Variants in CDH8 observed in about 807,000 individuals in gnomAD.
CDH8 encodes the protein cadherin-8.
Under a neutral mutation model 68.1 loss-of-function variants are expected in CDH8, and 17 were observed. The observed-to-expected ratio is 0.25, with a 90% CI of 0.17 to 0.37. The LOEUF (loss-of-function observed/expected upper bound fraction) is 0.37. Ranked by LOEUF, CDH8 falls within the 10% of genes least tolerant of loss-of-function variation. CDH8 has a pLI of 1.00. For missense variants in CDH8, 763 were observed against 999.3 expected, an observed-to-expected ratio of 0.76 and a Z score of 3.19; for synonymous variants, 372 against 365.1, an observed-to-expected ratio of 1.02 and a Z score of -0.21.
chr16:62,016,745 A>G (rs1901950680), intron 2 of CDH8, among the ~76,000 whole-genome samples: 1 of 152,182 alleles, frequency 6.6e-6, no homozygotes, highest in Admixed American at 6.5e-5. Flanking sequence ...TTTGACTGGT[A>G]TTTGCTTTTC....
intron 1 of CDH8, among the ~76,000 whole-genome samples, chr16:62,025,573 T>G (rs1277868271): frequency 2.0e-5 from 3 of 152,158 alleles, no homozygotes; most frequent in Non-Finnish European, 4.4e-5. Context: ...TTCATCCACA[T>G]AGGTCATTCC....
At chr16:61,892,176 A>G (rs1332226602) in intron 3 of CDH8, among the ~76,000 whole-genome samples, 3 of 152,234 alleles carry the variant, frequency 2.0e-5, no homozygotes, top group Non-Finnish European at 4.4e-5. Flanking sequence ...TGTAGTCATC[A>G]TAATTTACAA....
chr16:61,985,006 T>A (rs535043180), intron 2 of CDH8, among the ~76,000 whole-genome samples: 1 of 152,192 alleles, frequency 6.6e-6, no homozygotes, highest in Non-Finnish European at 1.5e-5. Flanking sequence ...AGGTATAATA[T>A]CTGCCTGGTT....
intron 7 of CDH8, among the ~76,000 whole-genome samples, chr16:61,791,387 C>T (rs1022294665): frequency 1.3e-5 from 2 of 151,936 alleles, no homozygotes; most frequent in African/African-American, 4.8e-5. Flanking sequence ...CTGATTCAAC[C>T]AATGATATTC....
At position 61,653,168 on chromosome 16, in the gene CDH8, G is replaced by T. The variant is rs1025347793; in HGVS notation, c.*440C>A. ...TATCATTTGTGGCGGGATCCTTATT[G>T]GTGAAGGGGAAAAAACCATTTGCAT... On this transcript the variant is annotated 3_prime_UTR_variant, in exon 12 of 12. Transcript: ENST00000577390. 8 of 1,228,304 alleles carry T rather than the reference G, an allele frequency of 6.5e-6. No individual in the cohort carries two copies. The highest frequency in any genetic ancestry group is 8.1e-6 in the Non-Finnish European group (8 of 986,554). 76.1% of individuals were successfully genotyped at this position (1,228,304 alleles called of 1,614,324 possible). A position where few individuals can be genotyped will look rare whatever the true frequency, so the allele number is the denominator to read the frequency against.
chr16:61,900,188 A>T (rs985184050), intron 3 of CDH8, among the ~76,000 whole-genome samples: 10 of 152,092 alleles, frequency 6.6e-5, no homozygotes, highest in African/African-American at 2.4e-4. Context: ...GGCTTTAAAT[A>T]ATGAATATAC....
chr16:61,976,405 C>T (rs950285921), intron 2 of CDH8, among the ~76,000 whole-genome samples: 4 of 152,146 alleles, frequency 2.6e-5, no homozygotes, highest in African/African-American at 9.7e-5. Context: ...TCTTTCTCGA[C>T]TGTTCAGTTT....
chr16:61,735,776 AG>A (rs765534290), intron 8 of CDH8, among the ~76,000 whole-genome samples: 5 of 152,082 alleles, frequency 3.3e-5, no homozygotes, highest in African/African-American at 1.2e-4. Flanking sequence ...ACTTTACTTT[AG>A]GTATAGAAAG....
At chr16:62,030,457 A>G (rs1902299081) in intron 1 of CDH8, among the ~76,000 whole-genome samples, 1 of 152,174 alleles carries the variant, frequency 6.6e-6, no homozygotes, top group Non-Finnish European at 1.5e-5. Flanking sequence ...TATAAAGCTC[A>G]ACCAGCAACA....
chr16:61,839,604 T>C, intron 4 of CDH8, among the ~76,000 whole-genome samples: 1 of 152,144 alleles, frequency 6.6e-6, no homozygotes, highest in East Asian at 1.9e-4. Flanking sequence ...TACTCCAAAC[T>C]TAACCCTGAT....
At chr16:61,766,302 A>T (rs1960588354) in intron 8 of CDH8, among the ~76,000 whole-genome samples, 1 of 151,872 alleles carries the variant, frequency 6.6e-6, no homozygotes, top group Admixed American at 6.6e-5. Flanking sequence ...TTCCATCCAA[A>T]TTGCTGCAAA....
chr16:61,989,881 G>A (rs1965687958), intron 2 of CDH8, among the ~76,000 whole-genome samples: 1 of 152,120 alleles, frequency 6.6e-6, no homozygotes, highest in Non-Finnish European at 1.5e-5. Context: ...CCAAGCCCGT[G>A]AATTTTGTCT....
intron 9 of CDH8, 106 bp downstream of exon 9, chr16:61,726,988 C>T: frequency 8.3e-7 from 1 of 1,205,050 alleles, no homozygotes; most frequent in Non-Finnish European, 1.2e-6. Context: ...TTGCCTGAGA[C>T]TTTGCAGATC....
chr16:61,879,859 C>T (rs1194507983), intron 3 of CDH8, among the ~76,000 whole-genome samples: 6 of 151,966 alleles, frequency 3.9e-5, no homozygotes, highest in Non-Finnish European at 8.8e-5. Context: ...AGTAATTAAT[C>T]AATCAATTAA....
chr16:61,647,682 T>C lies in CDH8; in HGVS notation c.*5926A>G, dbSNP rs1323375270. On this transcript the variant is annotated 3_prime_UTR_variant, in exon 12 of 12. Coordinates refer to ENST00000577390, the MANE Select transcript of CDH8 (RefSeq NM_001796.5). ...CATCTTAGAGCATAATTGTTAAAAT[T>C]TTCCTCTTATTTTTGAGGAATCATA... The C allele has an allele frequency of 2.9e-5, 18 of 627,212 alleles. No individual in the cohort carries two copies. In the Admixed American group the frequency reaches 3.7e-4, roughly 13 times the overall value. The allele number at this position is 627,212 out of a possible 1,614,324, so 38.9% of individuals were successfully genotyped here. A position where few individuals can be genotyped will look rare whatever the true frequency, so the allele number is the denominator to read the frequency against.
At chr16:61,739,018 A>T (rs553060623) in intron 8 of CDH8, among the ~76,000 whole-genome samples, 27 of 152,140 alleles carry the variant, frequency 1.8e-4, no homozygotes, top group Non-Finnish European at 3.1e-4. Context: ...ATAAAATTGG[A>T]TAGTGAGTTT....
intron 2 of CDH8, among the ~76,000 whole-genome samples, chr16:62,010,071 T>C (rs1169353178): frequency 1.3e-5 from 2 of 151,448 alleles, no homozygotes; most frequent in African/African-American, 4.9e-5. Context: ...CTGATTCCCA[T>C]AAAATAAATA....
intron 4 of CDH8, among the ~76,000 whole-genome samples, chr16:61,837,318 T>A (rs2143006790): frequency 6.6e-6 from 1 of 152,210 alleles, no homozygotes; most frequent in East Asian, 1.9e-4. Context: ...TTTTCATATT[T>A]TCCAAAAGAA....
At chr16:61,924,136 T>G (rs1249470380) in intron 2 of CDH8, among the ~76,000 whole-genome samples, 2 of 152,008 alleles carry the variant, frequency 1.3e-5, no homozygotes, top group South Asian at 4.1e-4. Flanking sequence ...TGTTGTTGTG[T>G]TGTTGTCGTT....
Sources: gnomAD v4.1 joint callset for allele counts (sites outside exome capture counted in the v4.1 genomes callset) on GRCh38, gnomAD v4.1.1 for gene constraint, MANE v1.5 for transcripts, NCBI Gene and HGNC (gene_info 2026-07-23, HGNC 2026-07-21) for gene names.